Variants in MACF1 observed in about 807,000 individuals in gnomAD.
The protein encoded by MACF1 is microtubule actin crosslinking factor 1, also known as microtubule-actin cross-linking factor 1.
A neutral mutation model predicts 854.8 loss-of-function variants in MACF1; 193 were observed. The ratio of observed to expected loss-of-function variants is 0.23; its 90% CI spans 0.20 to 0.25. The LOEUF (loss-of-function observed/expected upper bound fraction) is 0.25, where lower values mean the gene tolerates loss of function less well. Among genes scored for constraint, MACF1 ranks in the 10% least tolerant of loss-of-function variants. MACF1 has a pLI of 1.00. For synonymous variants in MACF1, 3,185 were observed against 3,226.7 expected, an observed-to-expected ratio of 0.99 and a Z score of 0.44; for missense variants, 7,722 against 8,929.1, an observed-to-expected ratio of 0.86 and a Z score of 5.45.
At chr1:39,239,672 A>G (rs1334027397) in intron 2 of MACF1, among the ~76,000 whole-genome samples, 6 of 151,978 alleles carry the variant, frequency 3.9e-5, no homozygotes, top group Non-Finnish European at 8.8e-5. Flanking sequence ...GAAAGTATGA[A>G]CTCCTTAGGA....
rs182299007 is a variant in MACF1, at chr1:39,308,190, C to T, written c.2790-1380C>T. Among the ~76,000 whole-genome samples the T allele has an allele frequency of 4.7e-4, 71 of 152,246 alleles. No individual in the cohort carries two copies. The East Asian group carries it at 0.012, about 26-fold the overall frequency. On this transcript the variant is annotated intron_variant, in intron 23 of 100. Transcript: ENST00000564288. ...AAGTGCTGGGATTACAGGCGTGAGC[C>T]ACCACGCCAGCCTTATTTCTTTAAT...
chr1:39,177,783 T>C (rs1183061693), intron 2 of MACF1, among the ~76,000 whole-genome samples: 2 of 152,150 alleles, frequency 1.3e-5, no homozygotes, highest in Admixed American at 1.3e-4. Context: ...CTGTGGTGAA[T>C]GGGAAAGCCA....
intron 23 of MACF1, among the ~76,000 whole-genome samples, chr1:39,308,538 T>C (rs1305407941): frequency 6.6e-6 from 1 of 152,152 alleles, no homozygotes; most frequent in African/African-American, 2.4e-5. Flanking sequence ...GGTAACGTGG[T>C]GGGTATGTAA....
At chr1:39,248,105 C>T (rs896946786) in intron 2 of MACF1, among the ~76,000 whole-genome samples, 3 of 152,156 alleles carry the variant, frequency 2.0e-5, no homozygotes, top group African/African-American at 7.2e-5. Context: ...ACGTACCTGT[C>T]ACCTTCTTAT....
chr1:39,421,407 T>C (rs2148634809), intron 58 of MACF1, among the ~76,000 whole-genome samples: 2 of 152,294 alleles, frequency 1.3e-5, no homozygotes, highest in South Asian at 4.1e-4. Context: ...TCTGAAGTTA[T>C]TAAGGACATT....
rs1229125372 is a variant in MACF1, at chr1:39,434,326, A to G, written c.17566-88A>G. Reference sequence around the variant, plus strand: ...ATAATTTAGTTATGTATTCTTTTAGACTTTTTAATGTATATATACCTACTT... The same window carrying G: ...ATAATTTAGTTATGTATTCTTTTAGGCTTTTTAATGTATATATACCTACTT... On this transcript the variant is annotated intron_variant, in intron 68 of 100. Coordinates refer to ENST00000564288, the MANE Select transcript of MACF1 (RefSeq NM_001394062.1). 3 of 565,872 alleles carry G rather than the reference A, an allele frequency of 5.3e-6. No individual in the cohort carries two copies. The Admixed American group carries it at 9.5e-5, about 18-fold the overall frequency. The allele number at this position is 565,872 out of a possible 1,614,324, so 35.1% of individuals were successfully genotyped here.
intron 6 of MACF1, among the ~76,000 whole-genome samples, chr1:39,267,002 TTTGA>T (rs1212150381): frequency 6.6e-6 from 1 of 152,224 alleles, no homozygotes; most frequent in East Asian, 1.9e-4. Flanking sequence ...GTGTTATCTC[TTTGA>T]TTGAGCTCTT....
intron 26 of MACF1, among the ~76,000 whole-genome samples, chr1:39,312,071 C>T (rs1646311780): frequency 6.6e-6 from 1 of 151,986 alleles, no homozygotes; most frequent in East Asian, 1.9e-4. Flanking sequence ...CTATTTGTCC[C>T]TGAAAAATAG....
chr1:39,174,867 C>T lies in MACF1; in HGVS notation c.221-56315C>T, dbSNP rs375144202. On this transcript the variant is annotated intron_variant, in intron 2 of 93. Transcript: ENST00000361689. Reference sequence around the variant, plus strand: ...GGTCTCGTCCCAGTGACTCTACTACCAGGTCTGGAGAATGTCACTAGTGGA... The same window carrying T: ...GGTCTCGTCCCAGTGACTCTACTACTAGGTCTGGAGAATGTCACTAGTGGA... 5.3e-5 allele frequency among the ~76,000 whole-genome samples: 8 copies of T among 152,304 alleles called. No homozygotes were observed. In the East Asian group the frequency reaches 1.4e-3, roughly 26 times the overall value.
At chr1:39,239,696 T>C (rs998714328) in intron 2 of MACF1, among the ~76,000 whole-genome samples, 2 of 152,194 alleles carry the variant, frequency 1.3e-5, no homozygotes, top group Non-Finnish European at 2.9e-5. Flanking sequence ...AGAAAAATGC[T>C]TTTTCTGGTC....
At chr1:39,191,833 AGAGGAG>A (rs1210136488) in intron 2 of MACF1, among the ~76,000 whole-genome samples, 10 of 152,188 alleles carry the variant, frequency 6.6e-5, no homozygotes, top group African/African-American at 2.4e-4. Flanking sequence ...CAGGGAGCTG[AGAGGAG>A]CTATCCTTGT....
chr1:39,276,400 G>C (rs1468095918), intron 6 of MACF1, among the ~76,000 whole-genome samples: 1 of 152,078 alleles, frequency 6.6e-6, no homozygotes, highest in South Asian at 2.1e-4. Flanking sequence ...ATACCAAGTC[G>C]AAACTCCTCA....
At chr1:39,109,053 T>C (rs144103667) in intron 2 of MACF1, among the ~76,000 whole-genome samples, 3 of 152,284 alleles carry the variant, frequency 2.0e-5, no homozygotes, top group African/African-American at 7.2e-5. Context: ...TGTACAAAAT[T>C]GATATCGTAG....
At chr1:39,094,252 C>T (rs1641881753) in intron 2 of MACF1, among the ~76,000 whole-genome samples, 1 of 152,016 alleles carries the variant, frequency 6.6e-6, no homozygotes, top group African/African-American at 2.4e-5. Context: ...CGAGACCAGC[C>T]TGGATAATAT....
intron 86 of MACF1, 29 bp from the exon 87 acceptor site, chr1:39,452,655 G>A (rs752368768): frequency 6.2e-7 from 1 of 1,612,000 alleles, no homozygotes; most frequent in East Asian, 2.2e-5. Flanking sequence ...GCAGAGAGAG[G>A]TTGAATCTTT....
intron 44 of MACF1, among the ~76,000 whole-genome samples, chr1:39,354,605 A>C (rs934089423): frequency 3.9e-5 from 6 of 152,018 alleles, no homozygotes; most frequent in African/African-American, 1.4e-4. Context: ...GGGTTTCACT[A>C]TGTTGGCCAG....
chr1:39,297,494 G>A, intron 20 of MACF1, 126 bp from the exon 21 acceptor site: 1 of 1,114,116 alleles, frequency 9.0e-7, no homozygotes, highest in Non-Finnish European at 1.3e-6. Context: ...GTAATAAACT[G>A]TCACTAATGC....
intron 36 of MACF1, chr1:39,328,702 C>T (rs1380967070): frequency 6.6e-6 from 1 of 152,266 alleles, no homozygotes; most frequent in Non-Finnish European, 1.5e-5. Context: ...TGCCCTGCAA[C>T]TCTGGTAAGT....
chr1:39,393,792 G>A (rs760200752), intron 58 of MACF1, among the ~76,000 whole-genome samples: 1 of 133,846 alleles, frequency 7.5e-6, no homozygotes, highest in Non-Finnish European at 1.5e-5. Flanking sequence ...GTGTAACAGA[G>A]TGAGACCCTG....
Sources: allele counts gnomAD v4.1 joint callset (sites outside exome capture counted in the v4.1 genomes callset), GRCh38; gene constraint gnomAD v4.1.1; transcripts MANE v1.5; gene names NCBI Gene and HGNC (gene_info 2026-07-23, HGNC 2026-07-21).